STXBP5L: variants seen among roughly 807,000 people sequenced by gnomAD.
The protein encoded by STXBP5L is syntaxin binding protein 5L.
A neutral mutation model predicts 144.5 loss-of-function variants in STXBP5L; 65 were observed. That is an observed-to-expected ratio of 0.45 (90% CI 0.37 to 0.55). STXBP5L has a LOEUF of 0.55. Among genes scored for constraint, STXBP5L ranks in the 20% least tolerant of loss-of-function variants. The pLI is 0.00. For missense variants in STXBP5L, 1,298 were observed against 1,405.5 expected, an observed-to-expected ratio of 0.92 and a Z score of 1.22; for synonymous variants, 505 against 469.6, an observed-to-expected ratio of 1.08 and a Z score of -0.97.
At chr3:121,122,411 A>AT (rs1356470977) in intron 7 of STXBP5L, among the ~76,000 whole-genome samples, 7 of 151,206 alleles carry the variant, frequency 4.6e-5, no homozygotes, top group Non-Finnish European at 7.4e-5. Context: ...GTCAGAGTTT[A>AT]TTTTTTAAGA....
At position 121,257,176 on chromosome 3, in the gene STXBP5L, C is replaced by T. The variant is rs184420053; in HGVS notation, c.1675C>T (p.Leu559Phe). The change falls in exon 17 of 27, where the codon CTT becomes TTT. Residue 559 changes from leucine (L) to phenylalanine (F), a missense_variant. Leu to Phe is a conservative substitution (Grantham distance 22). Transcript: ENST00000471454. ...TTTTTTTAAGTCATTAGAGGTACGA[C>T]TTCAGTATGATGTTGAAGATATTAT... ...TTEIVSLEVRLQYDVEDIITP... is the reference protein window; with the variant it reads ...TTEIVSLEVRFQYDVEDIITP... The T allele has an allele frequency of 8.6e-4, 1,385 of 1,609,302 alleles. 3 individuals carry two copies. The highest frequency in any genetic ancestry group is 1.4e-3 in the Admixed American group (83 of 59,770).
chr3:121,389,239 C>A (rs565504525), intron 22 of STXBP5L, among the ~76,000 whole-genome samples: 1 of 152,226 alleles, frequency 6.6e-6, no homozygotes, highest in Non-Finnish European at 1.5e-5. Flanking sequence ...TGGTGATATC[C>A]CTTTTATCAT....
At chr3:121,047,122 C>G (rs1371438901) in intron 5 of STXBP5L, among the ~76,000 whole-genome samples, 6 of 152,082 alleles carry the variant, frequency 3.9e-5, no homozygotes, top group Non-Finnish European at 4.4e-5. Flanking sequence ...AAAAGTCATT[C>G]AGGACCAGGT....
At chr3:121,224,531 CA>C (rs1180626963) in intron 11 of STXBP5L, among the ~76,000 whole-genome samples, 1 of 152,036 alleles carries the variant, frequency 6.6e-6, no homozygotes, top group Non-Finnish European at 1.5e-5. Context: ...AAAATCTGGT[CA>C]GATGAGTGAG....
chr3:120,949,624 T>C (rs575232606), intron 2 of STXBP5L, among the ~76,000 whole-genome samples: 69 of 152,290 alleles, frequency 4.5e-4, no homozygotes, highest in African/African-American at 1.6e-3. Flanking sequence ...AGTTTCATTC[T>C]TCTACATGTG....
At chr3:121,327,447 C>A (rs1200319152) in intron 20 of STXBP5L, among the ~76,000 whole-genome samples, 8 of 152,140 alleles carry the variant, frequency 5.3e-5, no homozygotes, top group East Asian at 1.9e-4. Flanking sequence ...AGGCCATCAT[C>A]TGATCTTTAG....
rs150561522 is a variant in STXBP5L, at chr3:121,232,807, T to C, written c.1112-809T>C. 5.3e-5 allele frequency among the ~76,000 whole-genome samples: 8 copies of C among 152,294 alleles called. No individual in the cohort carries two copies. In the East Asian group the frequency reaches 1.5e-3, roughly 29 times the overall value. On this transcript the variant is annotated intron_variant, in intron 11 of 26. Coordinates refer to ENST00000471454, the MANE Select transcript of STXBP5L (RefSeq NM_001308330.2). ...AAGCTGGGGATTGAGGAAGGTTTTA[T>C]AGTCAGCGCGTAATAAGTCATGATC...
At chr3:121,233,424 T>C (rs1480502546) in intron 11 of STXBP5L, among the ~76,000 whole-genome samples, 192 bp from the exon 12 acceptor site, 6 of 152,210 alleles carry the variant, frequency 3.9e-5, no homozygotes, top group African/African-American at 1.4e-4. Flanking sequence ...TTGTTCTTTC[T>C]AGTGATCTTA....
At chr3:121,312,446 C>CTTTTTTTTTTTT (rs58989280) in intron 19 of STXBP5L, among the ~76,000 whole-genome samples, 6 of 12,750 alleles carry the variant, frequency 4.7e-4, no homozygotes, top group African/African-American at 1.3e-3. Context: ...GTATGTCAAT[C>CTTTTTTTTTTTT]TTTTTTTTTT....
chr3:121,313,139 G>GC (rs1459959679), intron 19 of STXBP5L, among the ~76,000 whole-genome samples: 44 of 128,632 alleles, frequency 3.4e-4, no homozygotes, highest in African/African-American at 1.3e-3. Flanking sequence ...AGGCAGAGGG[G>GC]TCCTCACTTC....
intron 2 of STXBP5L, among the ~76,000 whole-genome samples, chr3:120,940,200 A>G (rs1306500110): frequency 6.6e-6 from 1 of 152,094 alleles, no homozygotes; most frequent in Non-Finnish European, 1.5e-5. Context: ...AGATGTATTT[A>G]TGTTTTTCAA....
At chr3:120,977,439 T>C (rs1354577707) in intron 3 of STXBP5L, among the ~76,000 whole-genome samples, 1 of 152,218 alleles carries the variant, frequency 6.6e-6, no homozygotes, top group Admixed American at 6.5e-5. Context: ...TATATCTGTC[T>C]CTGCACGTGA....
At chr3:121,352,463 C>T (rs930693026) in intron 20 of STXBP5L, among the ~76,000 whole-genome samples, 1 of 152,054 alleles carries the variant, frequency 6.6e-6, no homozygotes, top group Non-Finnish European at 1.5e-5. Context: ...TGGGAATTCA[C>T]TCATGATTTG....
intron 5 of STXBP5L, among the ~76,000 whole-genome samples, chr3:121,050,974 A>G (rs1430438565): frequency 6.6e-6 from 1 of 152,224 alleles, no homozygotes; most frequent in African/African-American, 2.4e-5. Context: ...AACAAAGATC[A>G]AAAGAGAAAA....
intron 3 of STXBP5L, among the ~76,000 whole-genome samples, chr3:120,984,632 C>CTTTTTTTTTTTTTTTTTCT (rs1942116750): frequency 1.4e-5 from 1 of 71,960 alleles, no homozygotes; most frequent in Non-Finnish European, 2.4e-5. Context: ...TCTTTCTTTC[C>CTTTTTTTTTTTTTTTTTCT]TTTTTTTTTT....
intron 19 of STXBP5L, among the ~76,000 whole-genome samples, chr3:121,292,536 T>G (rs1273959590): frequency 6.6e-6 from 1 of 152,166 alleles, no homozygotes; most frequent in Non-Finnish European, 1.5e-5. Flanking sequence ...ATCCCACCAC[T>G]GGGTATCTAC....
At chr3:120,917,689 C>T (rs1261975804) in intron 2 of STXBP5L, among the ~76,000 whole-genome samples, 3 of 152,086 alleles carry the variant, frequency 2.0e-5, no homozygotes, top group Admixed American at 1.3e-4. Flanking sequence ...GGCAACATAG[C>T]AAGACCCCTG....
intron 22 of STXBP5L, among the ~76,000 whole-genome samples, chr3:121,390,648 G>C (rs2046558362): frequency 6.6e-6 from 1 of 152,112 alleles, no homozygotes. Flanking sequence ...CACTAATGAA[G>C]CTTAGTTTGG....
intron 7 of STXBP5L, among the ~76,000 whole-genome samples, chr3:121,129,643 A>T (rs2044878963): frequency 1.3e-5 from 2 of 152,100 alleles, no homozygotes; most frequent in African/African-American, 4.8e-5. Context: ...AAAGGACTGC[A>T]GTGTAAATTC....
Sources: allele counts gnomAD v4.1 joint callset (sites outside exome capture counted in the v4.1 genomes callset), GRCh38; gene constraint gnomAD v4.1.1; transcripts MANE v1.5; gene names NCBI Gene and HGNC (gene_info 2026-07-23, HGNC 2026-07-21).